TMCC1: variants seen among roughly 807,000 people sequenced by gnomAD.
The protein encoded by TMCC1 is transmembrane and coiled-coil domains protein 1.
TMCC1 carries 15 observed loss-of-function variants against 52.4 expected under a neutral mutation model. That is an observed-to-expected ratio of 0.29 (90% CI 0.19 to 0.44). TMCC1 has a LOEUF of 0.44. TMCC1 is among the 20% of genes least tolerant of loss of function. The pLI is 1.00. For synonymous variants in TMCC1, 279 were observed against 301.9 expected (o/e 0.92, Z 0.79); for missense variants, 503 against 806.0 (o/e 0.62, Z 4.55).
intron 4 of TMCC1, among the ~76,000 whole-genome samples, chr3:129,783,274 G>C (rs188480097): frequency 3.3e-5 from 5 of 152,242 alleles, no homozygotes; most frequent in Admixed American, 6.5e-5. Flanking sequence ...TCATTGAATA[G>C]AAACGGGAAA....
At chr3:129,841,998 G>A (rs2059441881) in intron 2 of TMCC1, among the ~76,000 whole-genome samples, 1 of 152,106 alleles carries the variant, frequency 6.6e-6, no homozygotes, top group South Asian at 2.1e-4. Flanking sequence ...AATACAAGGG[G>A]TATTATAATA....
Position 129,828,589 on chromosome 3 carries a change from C to T in TMCC1, c.-130-81G>A, listed in dbSNP as rs1322555248. On this transcript the variant is annotated intron_variant, in intron 3 of 6. Transcript: ENST00000393238. This position sits in a 1 kb window ranked among gnomAD's most constrained non-coding sequence, Gnocchi z 4.1. Reference sequence around the variant, plus strand: ...CCATGCAGAAACTCCAGTGTTAAAACAAAGAAAAACATGCTACTGGCCAAA... The same window carrying T: ...CCATGCAGAAACTCCAGTGTTAAAATAAAGAAAAACATGCTACTGGCCAAA... 2.0e-5 allele frequency: 10 copies of T among 499,034 alleles called. No individual in the cohort carries two copies. The highest frequency in any genetic ancestry group is 3.9e-5 in the African/African-American group (2 of 50,898). 30.9% of individuals were successfully genotyped at this position (499,034 alleles called of 1,614,324 possible).
intron 4 of TMCC1, among the ~76,000 whole-genome samples, chr3:129,762,757 G>A (rs528610112): frequency 6.6e-6 from 1 of 152,136 alleles, no homozygotes; most frequent in South Asian, 2.1e-4. Flanking sequence ...TTTGCACCCT[G>A]GGTGACAGAG....
intron 2 of TMCC1, among the ~76,000 whole-genome samples, chr3:129,872,058 T>C (rs953960102): frequency 6.6e-6 from 1 of 152,238 alleles, no homozygotes; most frequent in Non-Finnish European, 1.5e-5. Context: ...AAAATATCTG[T>C]TAAAAATTTA....
chr3:129,657,606 C>T (rs965382980), intron 5 of TMCC1, among the ~76,000 whole-genome samples: 1 of 152,202 alleles, frequency 6.6e-6, no homozygotes, highest in Non-Finnish European at 1.5e-5. Context: ...AGTAAGAAAT[C>T]AGAGTCAGAG....
chr3:129,726,515 A>T (rs1018911179), intron 4 of TMCC1, among the ~76,000 whole-genome samples: 5 of 152,186 alleles, frequency 3.3e-5, no homozygotes, highest in African/African-American at 1.2e-4. Flanking sequence ...GTTTTAAAAC[A>T]AGAATTATAC....
At chr3:129,665,800 AC>A in intron 5 of TMCC1, among the ~76,000 whole-genome samples, 1 of 152,198 alleles carries the variant, frequency 6.6e-6, no homozygotes, top group Admixed American at 6.5e-5. Flanking sequence ...AACTTTTAAA[AC>A]CCCACTGAGC....
intron 4 of TMCC1, chr3:129,688,383 T>A (rs966062569): frequency 1.0e-6 from 1 of 985,430 alleles, no homozygotes; most frequent in Non-Finnish European, 1.2e-6. Flanking sequence ...TTTCCGAGAA[T>A]AACGCTGCAA....
At chr3:129,883,145 A>G (rs1257874257) in intron 1 of TMCC1, among the ~76,000 whole-genome samples, 1 of 151,786 alleles carries the variant, frequency 6.6e-6, no homozygotes, top group Non-Finnish European at 1.5e-5. Context: ...ACACACACAC[A>G]CACACACACA....
chr3:129,708,478 T>TA (rs1289996510), intron 4 of TMCC1, among the ~76,000 whole-genome samples: 1 of 152,248 alleles, frequency 6.6e-6, no homozygotes, highest in Non-Finnish European at 1.5e-5. Context: ...TGAAAACTGT[T>TA]AAAAATAATT....
At chr3:129,676,740 C>T (rs1276483689) in intron 4 of TMCC1, among the ~76,000 whole-genome samples, 2 of 152,178 alleles carry the variant, frequency 1.3e-5, no homozygotes, top group African/African-American at 4.8e-5. Flanking sequence ...TATCACCTTA[C>T]TAGCTGTGTG....
At chr3:129,652,714 T>C (rs962527785) in intron 6 of TMCC1, among the ~76,000 whole-genome samples, 2 of 152,244 alleles carry the variant, frequency 1.3e-5, no homozygotes, top group Non-Finnish European at 2.9e-5. Context: ...TGTACTGGCT[T>C]CAAGTCTTTA....
intron 4 of TMCC1, among the ~76,000 whole-genome samples, chr3:129,680,189 T>C (rs573972505): frequency 2.6e-5 from 4 of 152,340 alleles, no homozygotes; most frequent in African/African-American, 9.6e-5. Flanking sequence ...CTTTGTGAAC[T>C]ACATGAATAT....
intron 4 of TMCC1, among the ~76,000 whole-genome samples, chr3:129,765,103 G>A (rs2054017345): frequency 6.7e-6 from 1 of 149,626 alleles, no homozygotes; most frequent in African/African-American, 2.4e-5. Flanking sequence ...CACCTAGCTT[G>A]TATTATTGAT....
intron 4 of TMCC1, among the ~76,000 whole-genome samples, chr3:129,704,405 T>A (rs1370140372): frequency 1.3e-5 from 2 of 152,106 alleles, no homozygotes; most frequent in Non-Finnish European, 2.9e-5. Flanking sequence ...CTACATCAGA[T>A]GGGAAGAGCA....
At chr3:129,869,078 T>C (rs886330952) in intron 2 of TMCC1, 5 of 152,126 alleles carry the variant, frequency 3.3e-5, no homozygotes, top group African/African-American at 1.2e-4. Context: ...TAGGTGACTC[T>C]TGGTGGGCCT....
chr3:129,887,975 C>T (rs1273103717), intron 1 of TMCC1, among the ~76,000 whole-genome samples: 4 of 152,168 alleles, frequency 2.6e-5, no homozygotes, highest in Admixed American at 6.5e-5. Flanking sequence ...ATACACGAGA[C>T]GACTTCAGGA....
intron 4 of TMCC1, among the ~76,000 whole-genome samples, chr3:129,763,214 ATAAATAAATAAAT>A (rs1257029621): frequency 9.7e-6 from 1 of 103,582 alleles, no homozygotes; most frequent in Non-Finnish European, 2.0e-5. Flanking sequence ...TAAAAAATAA[ATAAATAAATAAAT>A]AAATAAATAA....
At chr3:129,745,949 GTCTT>G (rs2051912988) in intron 4 of TMCC1, among the ~76,000 whole-genome samples, 1 of 151,200 alleles carries the variant, frequency 6.6e-6, no homozygotes, top group South Asian at 2.1e-4. Context: ...GCCAGATGGG[GTCTT>G]TCTTTGTTGC....
Sources: allele counts gnomAD v4.1 joint callset (sites outside exome capture counted in the v4.1 genomes callset), GRCh38; gene constraint gnomAD v4.1.1; non-coding constraint Gnocchi (gnomAD v3.1); transcripts MANE v1.5; gene names NCBI Gene and HGNC (gene_info 2026-07-23, HGNC 2026-07-21).